EYS: variants seen among roughly 807,000 people sequenced by gnomAD.
The protein encoded by EYS is EGF-like photoreceptor maintenance factor.
A neutral mutation model predicts 282.1 loss-of-function variants in EYS; 250 were observed. That is an observed-to-expected ratio of 0.89 (90% CI 0.80 to 0.98). EYS has a LOEUF of 0.98. Among genes scored for constraint, EYS ranks in the 50% least tolerant of loss-of-function variants. The probability of loss-of-function intolerance (pLI) is 0.00; values close to 1 mark genes in which losing one functional copy is unlikely to be tolerated. For synonymous variants in EYS, 1,355 were observed against 1,282.9 expected (o/e 1.06, Z -1.20); for missense variants, 4,016 against 3,709.0 (o/e 1.08, Z -2.15).
At chr6:65,540,640 C>T (rs901236397) in intron 2 of EYS, among the ~76,000 whole-genome samples, 7 of 152,016 alleles carry the variant, frequency 4.6e-5, no homozygotes, top group East Asian at 1.9e-4. Flanking sequence ...GAAAGGTGGC[C>T]GGGTGCGGTG....
In EYS at chr6:63,721,368, C is replaced by T. The variant is rs752962568; in HGVS notation, c.8663G>A (p.Gly2888Asp). The T allele has an allele frequency of 1.3e-6, 2 of 1,551,726 alleles. No homozygotes were observed. Among genetic ancestry groups the T allele is most frequent in the African/African-American group, 1.4e-5 (1 of 73,040 alleles). ...ACGYNTCRNGGECTVNGTTFS... is the reference protein window; with the variant it reads ...ACGYNTCRNGDECTVNGTTFS... ...AGTTGTGCCATTTACTGTACATTCA[C>T]CTCCATTTCTGCATGTGTTGTACCC... Residue 2888 changes from glycine (G) to aspartate (D), a missense_variant, in exon 43 of 43, where the codon GGT becomes GAT. Gly to Asp is a moderately conservative substitution (Grantham distance 94, BLOSUM62 -1). Transcript: ENST00000503581.
intron 7 of EYS, among the ~76,000 whole-genome samples, chr6:65,393,992 T>A (rs1381558001): frequency 6.6e-6 from 1 of 152,172 alleles, no homozygotes; most frequent in Middle Eastern, 3.2e-3. Flanking sequence ...TATTCATATT[T>A]CTCTAATATT....
At chr6:64,209,356 C>CT (rs1246289567) in intron 31 of EYS, among the ~76,000 whole-genome samples, 1 of 152,104 alleles carries the variant, frequency 6.6e-6, no homozygotes, top group Non-Finnish European at 1.5e-5. Context: ...GACTTTCTCT[C>CT]TTTTCAGTCT....
intron 12 of EYS, among the ~76,000 whole-genome samples, chr6:65,143,954 G>A (rs970769380): frequency 5.3e-5 from 8 of 151,932 alleles, no homozygotes; most frequent in Non-Finnish European, 1.2e-4. Flanking sequence ...GTACAACAGT[G>A]AGTTCCTCAG....
intron 33 of EYS, among the ~76,000 whole-genome samples, chr6:64,011,500 G>T (rs1311564669): frequency 6.6e-6 from 1 of 151,342 alleles, no homozygotes; most frequent in Admixed American, 6.6e-5. Flanking sequence ...TCTATCTCAG[G>T]TTTGTTTTGT....
At chr6:64,925,451 G>T (rs980700383) in intron 15 of EYS, among the ~76,000 whole-genome samples, 10 of 152,158 alleles carry the variant, frequency 6.6e-5, no homozygotes, top group Non-Finnish European at 1.3e-4. Context: ...AATGCTCATT[G>T]TGGTAGCGAT....
At chr6:64,160,356 C>T (rs995016207) in intron 31 of EYS, among the ~76,000 whole-genome samples, 1 of 152,142 alleles carries the variant, frequency 6.6e-6, no homozygotes, top group Non-Finnish European at 1.5e-5. Context: ...TATTCATTCT[C>T]ATGTACTGAG....
intron 1 of EYS, among the ~76,000 whole-genome samples, chr6:65,650,782 C>T (rs1166769885): frequency 6.6e-6 from 1 of 152,146 alleles, no homozygotes. Flanking sequence ...CCTGCTTATA[C>T]TCTCACATTT....
At chr6:64,395,025 G>GA (rs1773309812) in intron 28 of EYS, among the ~76,000 whole-genome samples, 1 of 152,160 alleles carries the variant, frequency 6.6e-6, no homozygotes, top group Non-Finnish European at 1.5e-5. Flanking sequence ...ACAGACACAT[G>GA]AAAAAATGCT....
intron 35 of EYS, among the ~76,000 whole-genome samples, chr6:63,899,463 T>C (rs1773610328): frequency 6.6e-6 from 1 of 152,204 alleles, no homozygotes; most frequent in African/African-American, 2.4e-5. Flanking sequence ...AGGTACTTTA[T>C]GATATGAATC....
At chr6:64,411,952 C>A (rs1773911252) in intron 28 of EYS, among the ~76,000 whole-genome samples, 12 of 150,574 alleles carry the variant, frequency 8.0e-5, no homozygotes, top group South Asian at 2.1e-4. Context: ...TATATGCATG[C>A]ATATATGTAT....
At chr6:64,528,127 A>C (rs1313765293) in intron 26 of EYS, among the ~76,000 whole-genome samples, 1 of 151,948 alleles carries the variant, frequency 6.6e-6, no homozygotes, top group East Asian at 1.9e-4. Flanking sequence ...GACTCTAAGA[A>C]ATAATCTGGA....
chr6:64,831,772 A>G (rs1039539547), intron 19 of EYS, among the ~76,000 whole-genome samples: 2 of 152,018 alleles, frequency 1.3e-5, no homozygotes, highest in Non-Finnish European at 2.9e-5. Context: ...TATAAAAACA[A>G]TTACTATGTC....
chr6:64,743,492 G>C (rs1772444434), intron 22 of EYS, among the ~76,000 whole-genome samples: 1 of 151,998 alleles, frequency 6.6e-6, no homozygotes, highest in South Asian at 2.1e-4. Flanking sequence ...TAATGGTAAA[G>C]AGCATTCTTA....
intron 22 of EYS, among the ~76,000 whole-genome samples, chr6:64,753,132 C>A (rs912020333): frequency 1.1e-4 from 16 of 152,018 alleles, no homozygotes; most frequent in African/African-American, 3.9e-4. Context: ...GTGATGCTTG[C>A]CATCAGAAAA....
At chr6:64,218,573 G>C (rs1407911659) in intron 31 of EYS, among the ~76,000 whole-genome samples, 1 of 152,112 alleles carries the variant, frequency 6.6e-6, no homozygotes, top group Non-Finnish European at 1.5e-5. Flanking sequence ...CACTTAAAAA[G>C]ACTCGATCAC....
At chr6:65,568,410 C>T (rs1359332796) in intron 2 of EYS, among the ~76,000 whole-genome samples, 3 of 151,084 alleles carry the variant, frequency 2.0e-5, no homozygotes, top group Non-Finnish European at 4.4e-5. Flanking sequence ...ACACTAAATA[C>T]ATTTGCATGC....
intron 12 of EYS, among the ~76,000 whole-genome samples, chr6:65,104,225 C>A (rs1281990940): frequency 6.6e-6 from 1 of 151,272 alleles, no homozygotes; most frequent in African/African-American, 2.4e-5. Context: ...GTTAACGATT[C>A]TTTTCTGAAT....
chr6:64,202,465 T>G (rs1336597670), intron 31 of EYS, among the ~76,000 whole-genome samples: 2 of 152,150 alleles, frequency 1.3e-5, no homozygotes, highest in Admixed American at 1.3e-4. Context: ...TACTTAATAA[T>G]AAATAAAACT....
Sources: gnomAD v4.1 joint callset for allele counts (sites outside exome capture counted in the v4.1 genomes callset) on GRCh38, gnomAD v4.1.1 for gene constraint, MANE v1.5 for transcripts, NCBI Gene and HGNC (gene_info 2026-07-23, HGNC 2026-07-21) for gene names.